Variants in INPP5A observed in about 807,000 individuals in gnomAD.
INPP5A encodes the protein inositol polyphosphate-5-phosphatase A.
INPP5A carries 14 observed loss-of-function variants against 65.2 expected under a neutral mutation model. The observed-to-expected ratio is 0.21, with a 90% CI of 0.14 to 0.34. The LOEUF (loss-of-function observed/expected upper bound fraction) is 0.34, where lower values mean the gene tolerates loss of function less well. Among genes scored for constraint, INPP5A ranks in the 10% least tolerant of loss-of-function variants. The pLI is 1.00. For synonymous variants in INPP5A, 207 were observed against 208.3 expected, an observed-to-expected ratio of 0.99 and a Z score of 0.05; for missense variants, 431 against 545.6, an observed-to-expected ratio of 0.79 and a Z score of 2.09.
intron 11 of INPP5A, among the ~76,000 whole-genome samples, chr10:132,750,944 G>C (rs1005723770): frequency 6.6e-6 from 1 of 152,228 alleles, no homozygotes; most frequent in African/African-American, 2.4e-5. Context: ...CCAGGTGTCT[G>C]TGTGTCAGTT....
intron 1 of INPP5A, among the ~76,000 whole-genome samples, chr10:132,595,264 G>A (rs1017363389): frequency 1.1e-4 from 16 of 152,374 alleles, no homozygotes; most frequent in African/African-American, 3.6e-4. Context: ...GCAGGGCCAC[G>A]TCTGCAGGTG....
intron 1 of INPP5A, among the ~76,000 whole-genome samples, chr10:132,602,314 G>T (rs1386551885): frequency 4.6e-5 from 7 of 152,134 alleles, no homozygotes; most frequent in African/African-American, 1.4e-4. Flanking sequence ...CTGAATTTTT[G>T]TGACGGAGTC....
chr10:132,560,195 T>C (rs2071184641), intron 1 of INPP5A, among the ~76,000 whole-genome samples: 2 of 152,152 alleles, frequency 1.3e-5, no homozygotes, highest in African/African-American at 4.8e-5. Flanking sequence ...GTGGAGTTGC[T>C]GTGTGAACCT....
chr10:132,768,378 C>T (rs533941074), intron 12 of INPP5A, among the ~76,000 whole-genome samples: 159 of 151,670 alleles, frequency 1.0e-3, no homozygotes, highest in African/African-American at 3.6e-3. Flanking sequence ...CAGGTGCTCA[C>T]GCGCCCAGTG....
rs892438705 is a variant in INPP5A, at chr10:132,545,460, G to T, written c.75+7289G>T. On this transcript the variant is annotated intron_variant, in intron 1 of 15. Transcript: ENST00000368594. The surrounding 1 kb of genome is among the most constrained non-coding windows in gnomAD (Gnocchi z 4.6). ...AGGAAGGTGGCCTCCATCCGGGAAT[G>T]GGGTCCAGGCGGAGGAGGGTGGGCA... Among the ~76,000 whole-genome samples the T allele has an allele frequency of 6.6e-6, 1 of 152,190 alleles. No homozygotes were observed. Among genetic ancestry groups the T allele is most frequent in the Non-Finnish European group, 1.5e-5 (1 of 68,024 alleles).
intron 2 of INPP5A, among the ~76,000 whole-genome samples, chr10:132,610,421 G>A (rs945417812): frequency 6.6e-6 from 1 of 152,240 alleles, no homozygotes; most frequent in Admixed American, 6.5e-5. Flanking sequence ...CCTAGCTCCG[G>A]GCCTGCACAC....
chr10:132,677,602 C>T (rs997033334), intron 4 of INPP5A, among the ~76,000 whole-genome samples: 2 of 152,242 alleles, frequency 1.3e-5, no homozygotes, highest in Non-Finnish European at 2.9e-5. Context: ...CTGCCGCAGG[C>T]TGTTTTACAG....
intron 2 of INPP5A, among the ~76,000 whole-genome samples, chr10:132,642,527 G>A (rs1169139061): frequency 6.6e-6 from 1 of 152,224 alleles, no homozygotes; most frequent in Non-Finnish European, 1.5e-5. Flanking sequence ...GTTGGAATCT[G>A]AGGACACATC....
At chr10:132,695,910 C>T (rs956381094) in intron 5 of INPP5A, among the ~76,000 whole-genome samples, 1 of 152,082 alleles carries the variant, frequency 6.6e-6, no homozygotes, top group Admixed American at 6.5e-5. Context: ...GTAGGTGCCC[C>T]CCACCCCCAA....
In INPP5A at chr10:132,538,171, C is replaced by G; in HGVS notation, c.75C>G (p.Asp25Glu). 7.8e-7 allele frequency: 1 copy of G among 1,276,724 alleles called. No homozygotes were observed. Among genetic ancestry groups the G allele is most frequent in the Middle Eastern group, 2.2e-4 (1 of 4,570 alleles). The allele number at this position is 1,276,724 out of a possible 1,614,324, so 79.1% of individuals were successfully genotyped here. Residue 25 changes from aspartate to glutamate, a missense_variant and splice_region_variant, in exon 1 of 16, where the codon GAC becomes GAG. Physicochemically the swap from Asp to Glu is conservative, Grantham distance 45 (BLOSUM62 2). Transcript: ENST00000368594. The surrounding 1 kb of genome is among the most constrained non-coding windows in gnomAD (Gnocchi z 4.1). ...VTANVGSLFDDPENLQKNWLR... is the reference protein window; with the variant it reads ...VTANVGSLFDEPENLQKNWLR... ...CCAACGTGGGCTCGCTCTTCGACGA[C>G]GTAAGTCCCCCGTGCCGGCGGCAGG... is the stretch of plus-strand genomic sequence containing the variant.
At chr10:132,632,138 C>G (rs1261674078) in intron 2 of INPP5A, among the ~76,000 whole-genome samples, 2 of 152,246 alleles carry the variant, frequency 1.3e-5, no homozygotes, top group Non-Finnish European at 2.9e-5. Context: ...AGGCCTGACC[C>G]AAGCGTGCTG....
chr10:132,719,706 G>A (rs190104576), intron 8 of INPP5A, among the ~76,000 whole-genome samples: 3 of 150,758 alleles, frequency 2.0e-5, no homozygotes, highest in Non-Finnish European at 3.0e-5. Flanking sequence ...TGGTACCTGG[G>A]TTCTGTCTGG....
chr10:132,645,544 A>G (rs911553314), intron 2 of INPP5A, among the ~76,000 whole-genome samples: 1 of 152,242 alleles, frequency 6.6e-6, no homozygotes, highest in African/African-American at 2.4e-5. Flanking sequence ...AGGCTCCCAG[A>G]GGCTCTGCAG....
chr10:132,661,280 T>C (rs1314670212), intron 4 of INPP5A, among the ~76,000 whole-genome samples: 2 of 152,194 alleles, frequency 1.3e-5, no homozygotes, highest in African/African-American at 4.8e-5. Context: ...AAAGGCAAAA[T>C]GAAGTGCTTT....
chr10:132,554,280 CG>C (rs1479508948), intron 1 of INPP5A, among the ~76,000 whole-genome samples: 5 of 152,152 alleles, frequency 3.3e-5, no homozygotes, highest in African/African-American at 1.2e-4. Context: ...CTGTGGTCAC[CG>C]GCTTCCCTGG....
intron 11 of INPP5A, among the ~76,000 whole-genome samples, chr10:132,752,111 G>GTGCCCAGGAGGTGTCTGGGTGGAGGCGGC (rs1564999636): frequency 9.0e-5 from 13 of 144,404 alleles, no homozygotes; most frequent in African/African-American, 2.8e-4. Flanking sequence ...GTGGAGGCGG[G>GTGCCCAGGAGGTGTCTGGGTGGAGGCGGC]TGCCCAGGAG....
At chr10:132,751,997 G>A (rs970452896) in intron 11 of INPP5A, among the ~76,000 whole-genome samples, 1 of 149,616 alleles carries the variant, frequency 6.7e-6, no homozygotes, top group African/African-American at 2.5e-5. Flanking sequence ...AGAGGCGGGT[G>A]CCCAGGAGGC....
At chr10:132,544,143 T>G (rs1300594935) in intron 1 of INPP5A, among the ~76,000 whole-genome samples, 1 of 152,246 alleles carries the variant, frequency 6.6e-6, no homozygotes, top group Admixed American at 6.5e-5. Context: ...CTGGCCACCC[T>G]TCTCCCTTCC....
chr10:132,594,062 G>A (rs1316509928), intron 1 of INPP5A, among the ~76,000 whole-genome samples: 1 of 152,162 alleles, frequency 6.6e-6, no homozygotes, highest in Non-Finnish European at 1.5e-5. Context: ...GATCTTTGGG[G>A]TGTGTGTCGT....
Sources: gnomAD v4.1 joint callset for allele counts (sites outside exome capture counted in the v4.1 genomes callset) on GRCh38, gnomAD v4.1.1 for gene constraint, Gnocchi (gnomAD v3.1) non-coding constraint, MANE v1.5 for transcripts, NCBI Gene and HGNC (gene_info 2026-07-23, HGNC 2026-07-21) for gene names.